The following LAMA2 variants were observed in gnomAD, a reference collection of about 807,000 sequenced individuals.
LAMA2 encodes laminin subunit alpha-2.
In LAMA2, 269 loss-of-function variants were observed where a neutral mutation model predicts 364.8. That is an observed-to-expected ratio of 0.74 (90% CI 0.67 to 0.82). The LOEUF is 0.82. LAMA2 is among the 40% of genes least tolerant of loss of function. LAMA2 has a pLI of 0.00. For missense variants in LAMA2, 3,807 were observed against 3,873.2 expected (o/e 0.98, Z 0.45); for synonymous variants, 1,379 against 1,370.6 (o/e 1.01, Z -0.14).
chr6:128,943,269 C>CACACAGAGAGAGAG (rs1365657711), intron 1 of LAMA2, among the ~76,000 whole-genome samples: 3 of 143,082 alleles, frequency 2.1e-5, no homozygotes, highest in African/African-American at 7.8e-5. Context: ...TATATATACA[C>CACACAGAGAGAGAG]AGAGAGAGAG....
chr6:129,158,166 T>G, intron 8 of LAMA2: 2 of 1,613,030 alleles, frequency 1.2e-6, no homozygotes, highest in Non-Finnish European at 1.7e-6. Context: ...TTTCAGGAAG[T>G]CATAGAGAGA....
intron 4 of LAMA2, among the ~76,000 whole-genome samples, chr6:129,102,549 A>G (rs1016376962): frequency 2.9e-4 from 44 of 152,136 alleles, no homozygotes; most frequent in Non-Finnish European, 2.5e-4. Flanking sequence ...TCTATTTTTA[A>G]TCTCCTTGAG....
At chr6:129,221,234 A>T (rs998509353) in intron 12 of LAMA2, among the ~76,000 whole-genome samples, 1 of 151,524 alleles carries the variant, frequency 6.6e-6, no homozygotes, top group African/African-American at 2.4e-5. Context: ...ACTTAGTAAT[A>T]TTTTTAATTA....
At chr6:129,501,376 T>C (rs994918677) in intron 58 of LAMA2, among the ~76,000 whole-genome samples, 16 of 152,200 alleles carry the variant, frequency 1.1e-4, no homozygotes, top group African/African-American at 3.9e-4. Context: ...TCTTTATAAC[T>C]GACCATCTCC....
At chr6:128,941,595 T>C (rs1048046889) in intron 1 of LAMA2, among the ~76,000 whole-genome samples, 1 of 152,172 alleles carries the variant, frequency 6.6e-6, no homozygotes, top group Non-Finnish European at 1.5e-5. Flanking sequence ...TTAAAAATAT[T>C]TTTAAAATAC....
intron 36 of LAMA2, among the ~76,000 whole-genome samples, chr6:129,392,409 A>T (rs1779370568): frequency 6.6e-6 from 1 of 152,148 alleles, no homozygotes; most frequent in South Asian, 2.1e-4. Context: ...TGGGGATGGG[A>T]CCCAGCAAAC....
chr6:129,504,812 A>AATC (rs1785927930), intron 60 of LAMA2, among the ~76,000 whole-genome samples: 2 of 152,354 alleles, frequency 1.3e-5, no homozygotes, highest in Admixed American at 1.3e-4. Flanking sequence ...CTCTTTGCTC[A>AATC]ATCAAACTAA....
intron 3 of LAMA2, among the ~76,000 whole-genome samples, chr6:129,063,053 C>T (rs911859408): frequency 6.6e-6 from 1 of 151,692 alleles, no homozygotes; most frequent in Non-Finnish European, 1.5e-5. Flanking sequence ...TAACTTTTCT[C>T]ATTCTATTTA....
At chr6:129,188,152 T>C (rs1781339072) in intron 10 of LAMA2, among the ~76,000 whole-genome samples, 1 of 151,912 alleles carries the variant, frequency 6.6e-6, no homozygotes, top group Non-Finnish European at 1.5e-5. Context: ...ATTGTGAGTA[T>C]ATCTTTTTAC....
Position 129,192,764 on chromosome 6 carries a change from C to G in LAMA2, c.1693C>G (p.Gln565Glu), listed in dbSNP as rs766264846. 1 of 1,614,100 alleles carries G rather than the reference C, an allele frequency of 6.2e-7. No individual in the cohort carries two copies. Among genetic ancestry groups the G allele is most frequent in the Non-Finnish European group, 8.5e-7 (1 of 1,180,044 alleles). The change falls in exon 12 of 65, where the codon CAG (glutamine) becomes GAG (glutamate). Residue 565 changes from glutamine to glutamate, a missense_variant. Physicochemically the swap from Gln to Glu is conservative, Grantham distance 29 (BLOSUM62 2). Coordinates refer to ENST00000421865, the MANE Select transcript of LAMA2 (RefSeq NM_000426.4). ...CCAGCAGGACGACTTGGACTCACCT[C>G]AGCAGATCAGCATCAGTAACGCGGA... ...APQQDDLDSP[Q>E]QISISNAEAR...
intron 1 of LAMA2, among the ~76,000 whole-genome samples, chr6:129,018,840 A>ACTATTCCAT (rs576169940): frequency 8.8e-4 from 134 of 152,202 alleles, no homozygotes; most frequent in African/African-American, 3.2e-3. Flanking sequence ...TAAAACATCT[A>ACTATTCCAT]CTATTCCATG....
intron 37 of LAMA2, among the ~76,000 whole-genome samples, chr6:129,396,666 A>G (rs928559762): frequency 6.6e-6 from 1 of 152,194 alleles, no homozygotes; most frequent in Non-Finnish European, 1.5e-5. Context: ...ATTTCAGTGA[A>G]GCAAAATAAT....
intron 12 of LAMA2, among the ~76,000 whole-genome samples, chr6:129,215,502 G>A (rs1783371056): frequency 6.6e-6 from 1 of 152,148 alleles, no homozygotes; most frequent in African/African-American, 2.4e-5. Flanking sequence ...ATGCTGCAGA[G>A]AGATATATAT....
chr6:129,512,109 G>C (rs539040958), intron 62 of LAMA2, among the ~76,000 whole-genome samples: 43 of 152,172 alleles, frequency 2.8e-4, no homozygotes, highest in Non-Finnish European at 4.7e-4. Flanking sequence ...GAAAAATATA[G>C]ACAATGCCCC....
chr6:129,236,124 A>C lies in LAMA2; in HGVS notation c.1783-13988A>C, dbSNP rs114592642. On this transcript the variant is annotated intron_variant, in intron 12 of 64. Transcript: ENST00000421865. ...AAAACTGTACATATGTATAGCCTCCAAAATGTGTTAAACATTAGTTCATAT... is the reference window on the plus strand; with the variant it reads ...AAAACTGTACATATGTATAGCCTCCCAAATGTGTTAAACATTAGTTCATAT... Among the ~76,000 whole-genome samples the C allele has an allele frequency of 2.5e-3, 383 of 152,334 alleles. 2 individuals are homozygous for C. Among genetic ancestry groups the C allele is most frequent in the African/African-American group, 8.7e-3 (360 of 41,594 alleles).
chr6:128,899,346 C>T (rs192557082), intron 1 of LAMA2, among the ~76,000 whole-genome samples: 1 of 152,286 alleles, frequency 6.6e-6, no homozygotes, highest in African/African-American at 2.4e-5. Context: ...TTCAGATAAA[C>T]CTCAAGAGCA....
At chr6:128,934,975 A>G (rs1779722530) in intron 1 of LAMA2, among the ~76,000 whole-genome samples, 1 of 151,962 alleles carries the variant, frequency 6.6e-6, no homozygotes, top group Admixed American at 6.6e-5. Flanking sequence ...TCTTTCTTCA[A>G]TGTCTTATAG....
chr6:129,268,987 C>A (rs1342270393), intron 16 of LAMA2, among the ~76,000 whole-genome samples: 1 of 152,030 alleles, frequency 6.6e-6, no homozygotes, highest in African/African-American at 2.4e-5. Flanking sequence ...GTTCAGCTGA[C>A]CCTGCATTTT....
At chr6:128,952,737 A>G (rs1780907005) in intron 1 of LAMA2, among the ~76,000 whole-genome samples, 1 of 152,136 alleles carries the variant, frequency 6.6e-6, no homozygotes, top group Non-Finnish European at 1.5e-5. Flanking sequence ...CTAGAATTTT[A>G]TAGAATAGGT....
Sources: allele counts gnomAD v4.1 joint callset (sites outside exome capture counted in the v4.1 genomes callset), GRCh38; gene constraint gnomAD v4.1.1; transcripts MANE v1.5; gene names NCBI Gene and HGNC (gene_info 2026-07-23, HGNC 2026-07-21).